PCSK5: variants seen among roughly 807,000 people sequenced by gnomAD.
PCSK5 encodes the protein prohormone convertase 5.
A neutral mutation model predicts 233.2 loss-of-function variants in PCSK5; 129 were observed. That is an observed-to-expected ratio of 0.55 (90% CI 0.48 to 0.64). The LOEUF (loss-of-function observed/expected upper bound fraction) is 0.64, where lower values mean the gene tolerates loss of function less well. PCSK5 is among the 30% of genes least tolerant of loss of function. The probability of loss-of-function intolerance (pLI) is 0.00; values close to 1 mark genes in which losing one functional copy is unlikely to be tolerated. For synonymous variants in PCSK5, 825 were observed against 879.2 expected (o/e 0.94, Z 1.09); for missense variants, 2,076 against 2,430.1 (o/e 0.85, Z 3.06).
Position 76,166,865 on chromosome 9 carries a change from G to GAAAAAA in PCSK5, c.1620-2834_1620-2833insAAAAAA, listed in dbSNP as rs565522863. Among the ~76,000 whole-genome samples the GAAAAAA allele has an allele frequency of 1.8e-4, 28 of 152,300 alleles. No individual in the cohort carries two copies. The South Asian group carries it at 5.6e-3, about 30-fold the overall frequency. ...ATCTCTCTGTTAGAAAGGGCAGTTT[G>GAAAAAA]AAAAAGCTCCTCTTCCCCTTCTCTG... On this transcript the variant is annotated intron_variant, in intron 12 of 37. Coordinates refer to ENST00000674117, the MANE Select transcript of PCSK5 (RefSeq NM_001372043.1).
chr9:75,963,041 A>G (rs1482637644), intron 2 of PCSK5, among the ~76,000 whole-genome samples: 1 of 152,142 alleles, frequency 6.6e-6, no homozygotes, highest in Non-Finnish European at 1.5e-5. Context: ...GATGCCAACC[A>G]CACTCCTAAT....
At chr9:76,246,206 A>G (rs551902251) in intron 24 of PCSK5, among the ~76,000 whole-genome samples, 2 of 151,878 alleles carry the variant, frequency 1.3e-5, no homozygotes, top group African/African-American at 4.8e-5. Flanking sequence ...GCTGAACATG[A>G]TGGCTCAAAC....
intron 5 of PCSK5, among the ~76,000 whole-genome samples, chr9:76,054,017 A>G (rs1336422533): frequency 1.3e-5 from 2 of 152,222 alleles, no homozygotes; most frequent in Non-Finnish European, 1.5e-5. Context: ...CAATCATGGC[A>G]GAAGGTGAGG....
At chr9:76,135,213 G>C (rs189495891) in intron 10 of PCSK5, among the ~76,000 whole-genome samples, 2 of 151,808 alleles carry the variant, frequency 1.3e-5, no homozygotes, top group Non-Finnish European at 1.5e-5. Context: ...TATTATCTAC[G>C]TATCATATCT....
chr9:75,971,457 G>A (rs546712444), intron 2 of PCSK5, among the ~76,000 whole-genome samples: 1 of 152,294 alleles, frequency 6.6e-6, no homozygotes, highest in Admixed American at 6.5e-5. Context: ...CCAGTAATGG[G>A]ATTTCTGGGT....
At chr9:75,931,377 A>C (rs1280294658) in intron 1 of PCSK5, among the ~76,000 whole-genome samples, 5 of 151,532 alleles carry the variant, frequency 3.3e-5, no homozygotes, top group Non-Finnish European at 7.4e-5. Flanking sequence ...CTACTATAGT[A>C]TTTGCCTAAA....
At chr9:75,946,777 G>T (rs1824592628) in intron 2 of PCSK5, among the ~76,000 whole-genome samples, 1 of 151,980 alleles carries the variant, frequency 6.6e-6, no homozygotes, top group African/African-American at 2.4e-5. Flanking sequence ...TTTGGTAGAG[G>T]CTGGGTTTCA....
At chr9:76,052,713 A>C (rs150087443) in intron 5 of PCSK5, among the ~76,000 whole-genome samples, 1,612 of 152,320 alleles carry the variant, frequency 0.011, 18 homozygotes, top group Middle Eastern at 0.02. Flanking sequence ...CCTTCCCAGC[A>C]GTCCTTCAAA....
chr9:75,980,070 T>C (rs1271060723), intron 2 of PCSK5, among the ~76,000 whole-genome samples: 2 of 152,176 alleles, frequency 1.3e-5, no homozygotes, highest in African/African-American at 2.4e-5. Flanking sequence ...TTTCATCTTA[T>C]CAAAACTGAA....
intron 1 of PCSK5, among the ~76,000 whole-genome samples, chr9:75,893,155 A>G (rs911165615): frequency 1.3e-5 from 2 of 152,182 alleles, no homozygotes; most frequent in Non-Finnish European, 2.9e-5. Context: ...TTCTGCTAAC[A>G]TTGAACATCT....
intron 2 of PCSK5, among the ~76,000 whole-genome samples, chr9:75,937,305 A>G (rs1473370803): frequency 6.6e-6 from 1 of 151,408 alleles, no homozygotes; most frequent in African/African-American, 2.4e-5. Flanking sequence ...CAGTCTCCTG[A>G]GTAGCTGGGA....
At chr9:76,143,966 A>G (rs969000160) in intron 10 of PCSK5, among the ~76,000 whole-genome samples, 1 of 152,056 alleles carries the variant, frequency 6.6e-6, no homozygotes, top group Non-Finnish European at 1.5e-5. Context: ...TTAGCATACA[A>G]TTGCAGTCTT....
In PCSK5 at chr9:76,351,531, AG is replaced by A. The variant is rs370395135; in HGVS notation, c.5067+605del. On this transcript the variant is annotated intron_variant, in intron 36 of 37. Coordinates refer to ENST00000674117, the MANE Select transcript of PCSK5 (RefSeq NM_001372043.1). ...AAGAAAGAAAGAAAGAAAGAAAGAA[AG>A]GAAGGAAAGAAAGAGAAAGAAGAGA... Among the ~76,000 whole-genome samples, 118 of 85,722 alleles carry A rather than the reference AG, an allele frequency of 1.4e-3. 6 individuals carry two copies. The highest frequency in any genetic ancestry group is 1.9e-3 in the Non-Finnish European group (70 of 36,494). 56.2% of individuals were successfully genotyped at this position (85,722 alleles called of 152,430 possible). A position where few individuals can be genotyped will look rare whatever the true frequency, so the allele number is the denominator to read the frequency against.
intron 2 of PCSK5, among the ~76,000 whole-genome samples, chr9:75,976,094 C>T (rs537784936): frequency 1.3e-5 from 2 of 152,184 alleles, no homozygotes; most frequent in South Asian, 2.1e-4. Context: ...CAAATTTCCT[C>T]TTATTGATTA....
At position 76,126,511 on chromosome 9, in the gene PCSK5, G is replaced by A. The variant is rs191414001; in HGVS notation, c.1209-7598G>A. Among the ~76,000 whole-genome samples the A allele has an allele frequency of 1.8e-4, 28 of 152,308 alleles. No individual in the cohort carries two copies. The East Asian group carries it at 5.4e-3, about 29-fold the overall frequency. Reference sequence around the variant, plus strand: ...GCCTATAATCCCAGCCACTCAGGAGGCTGAGGCAGGAGAATTGCTTGAAAC... The same window carrying A: ...GCCTATAATCCCAGCCACTCAGGAGACTGAGGCAGGAGAATTGCTTGAAAC... On this transcript the variant is annotated intron_variant, in intron 9 of 37. Transcript: ENST00000674117.
chr9:76,292,055 A>T (rs17062359), intron 24 of PCSK5, among the ~76,000 whole-genome samples, 178 bp from the exon 25 acceptor site: 12,794 of 152,214 alleles, frequency 0.084, 651 homozygotes, highest in African/African-American at 0.14. Context: ...GATAAATCCT[A>T]GTGTACATCT....
chr9:75,978,575 C>T (rs1257438349), intron 2 of PCSK5, among the ~76,000 whole-genome samples: 1 of 152,188 alleles, frequency 6.6e-6, no homozygotes, highest in African/African-American at 2.4e-5. Context: ...TAGCTCTGGG[C>T]ACAGAGGGAA....
intron 3 of PCSK5, among the ~76,000 whole-genome samples, chr9:76,000,872 G>C (rs1827231515): frequency 1.3e-5 from 2 of 148,852 alleles, no homozygotes; most frequent in Admixed American, 6.7e-5. Context: ...TGCATATTTT[G>C]TGTTCCAGGC....
At chr9:75,981,763 A>G (rs1014057237) in intron 2 of PCSK5, among the ~76,000 whole-genome samples, 1 of 151,962 alleles carries the variant, frequency 6.6e-6, no homozygotes, top group Non-Finnish European at 1.5e-5. Context: ...AAGTCTTGCT[A>G]TGTTGTCCAG....
Sources: allele counts gnomAD v4.1 joint callset (sites outside exome capture counted in the v4.1 genomes callset), GRCh38; gene constraint gnomAD v4.1.1; transcripts MANE v1.5; gene names NCBI Gene and HGNC (gene_info 2026-07-23, HGNC 2026-07-21).